The following ESRRG variants were observed in gnomAD, a reference collection of about 807,000 sequenced individuals.
ESRRG encodes estrogen related receptor gamma.
A neutral mutation model predicts 44.0 loss-of-function variants in ESRRG; 13 were observed. The ratio of observed to expected loss-of-function variants is 0.30; its 90% CI spans 0.19 to 0.47. The LOEUF (loss-of-function observed/expected upper bound fraction) is 0.47, where lower values mean the gene tolerates loss of function less well. Ranked by LOEUF, ESRRG falls within the 20% of genes least tolerant of loss-of-function variation. ESRRG has a pLI of 1.00. For synonymous variants in ESRRG, 215 were observed against 214.6 expected (o/e 1.00, Z -0.02); for missense variants, 395 against 580.6 (o/e 0.68, Z 3.29).
intron 1 of ESRRG, among the ~76,000 whole-genome samples, chr1:216,979,978 A>G (rs1578993355): frequency 6.6e-6 from 1 of 152,294 alleles, no homozygotes; most frequent in East Asian, 1.9e-4. Flanking sequence ...CTCCCAAGGA[A>G]GTGTCTAAAG....
intron 1 of ESRRG, among the ~76,000 whole-genome samples, chr1:217,114,607 C>T (rs1217449348): frequency 6.6e-6 from 1 of 150,926 alleles, no homozygotes; most frequent in African/African-American, 2.4e-5. Context: ...ATCTGCAGAA[C>T]ATTTTTACTG....
chr1:216,637,307 C>T (rs1299085101), intron 3 of ESRRG, among the ~76,000 whole-genome samples: 1 of 152,328 alleles, frequency 6.6e-6, no homozygotes, highest in Non-Finnish European at 1.5e-5. Flanking sequence ...TCAGCAATCA[C>T]ATTCTAGTCC....
chr1:216,559,582 C>T (rs1485206293), intron 5 of ESRRG, among the ~76,000 whole-genome samples: 1 of 152,152 alleles, frequency 6.6e-6, no homozygotes, highest in African/African-American at 2.4e-5. Flanking sequence ...GTACATCAAA[C>T]CTTAATCACA....
At position 216,813,979 on chromosome 1, in the gene ESRRG, T is replaced by C. The variant is rs116413007; in HGVS notation, c.-14+125603A>G. Among the ~76,000 whole-genome samples, 497 of 152,342 alleles carry C rather than the reference T, an allele frequency of 3.3e-3. 5 individuals carry two copies. The highest frequency in any genetic ancestry group is 0.012 in the African/African-American group (486 of 41,574). On this transcript the variant is annotated intron_variant, in intron 2 of 7. Transcript: ENST00000359162. ...TAAAGAGATTAAGCATGCTAATTTG[T>C]CATTTATTTTCCAATGCCTGCTTTC... is the stretch of plus-strand genomic sequence containing the variant.
intron 1 of ESRRG, among the ~76,000 whole-genome samples, chr1:217,038,565 G>A (rs1193825518): frequency 6.6e-6 from 1 of 152,214 alleles, no homozygotes; most frequent in Non-Finnish European, 1.5e-5. Flanking sequence ...GCTGTACCTT[G>A]GTCCCTTTTA....
Position 216,521,772 on chromosome 1 carries a change from T to G in ESRRG, c.863-2351A>C, listed in dbSNP as rs571255262. On this transcript the variant is annotated intron_variant, in intron 5 of 6. Coordinates refer to ENST00000408911, the MANE Select transcript of ESRRG (RefSeq NM_001438.4). ...TCCACGATTTTATCAGGGCCAGCACTTTTACGGTTGTCAGGGGGGTGCAGG... is the reference window on the plus strand; with the variant it reads ...TCCACGATTTTATCAGGGCCAGCACGTTTACGGTTGTCAGGGGGGTGCAGG... Among the ~76,000 whole-genome samples the G allele has an allele frequency of 3.3e-5, 5 of 152,292 alleles. No homozygotes were observed. In the South Asian group the frequency reaches 1.0e-3, roughly 32 times the overall value.
In ESRRG at chr1:217,007,890, A is replaced by G. The variant is rs533932009; in HGVS notation, c.-105-68217T>C. ...ATGGAATTGAGGTGGAAGCAGGTGC[A>G]GGGGGAGGAAAGAGCATTAAGAGAT... On this transcript the variant is annotated intron_variant, in intron 1 of 7. Transcript: ENST00000359162. Among the ~76,000 whole-genome samples, 268 of 152,314 alleles carry G rather than the reference A, an allele frequency of 1.8e-3. 1 individual carries two copies. The highest frequency in any genetic ancestry group is 3.1e-3 in the Non-Finnish European group (208 of 68,028).
At chr1:216,820,102 C>T (rs1376184024) in intron 2 of ESRRG, among the ~76,000 whole-genome samples, 1 of 152,086 alleles carries the variant, frequency 6.6e-6, no homozygotes, top group African/African-American at 2.4e-5. Context: ...AAAAACATAG[C>T]CTGGTAAGAT....
chr1:216,700,330 T>C (rs2081152800), intron 1 of ESRRG, among the ~76,000 whole-genome samples: 1 of 152,204 alleles, frequency 6.6e-6, no homozygotes, highest in African/African-American at 2.4e-5. Flanking sequence ...AAATATACAG[T>C]AGCAAGATGT....
chr1:216,633,842 T>C (rs1394296878), intron 3 of ESRRG, among the ~76,000 whole-genome samples: 3 of 152,216 alleles, frequency 2.0e-5, no homozygotes, highest in Non-Finnish European at 4.4e-5. Context: ...TATTAAGAGA[T>C]GGATAAAAGG....
chr1:216,865,353 T>C (rs1361001429), intron 2 of ESRRG, among the ~76,000 whole-genome samples: 2 of 152,040 alleles, frequency 1.3e-5, no homozygotes, highest in African/African-American at 2.4e-5. Flanking sequence ...TTGAGACTCA[T>C]ATGTTATTTT....
intron 1 of ESRRG, among the ~76,000 whole-genome samples, chr1:217,074,902 T>C (rs2091082671): frequency 6.6e-6 from 1 of 152,196 alleles, no homozygotes; most frequent in East Asian, 1.9e-4. Flanking sequence ...GTGAATAGTG[T>C]CCTCCTCTGT....
Position 216,753,451 on chromosome 1 carries a change from A to G in ESRRG, c.-13-75960T>C, listed in dbSNP as rs547587386. ...CCATCAAAGGGTATTTTTAAAGTCC[A>G]TATTAATGATTACTGCCACCCTCCT... On this transcript the variant is annotated intron_variant, in intron 2 of 7. Transcript: ENST00000359162. Among the ~76,000 whole-genome samples, 11 of 152,234 alleles carry G rather than the reference A, an allele frequency of 7.2e-5. 1 individual carries two copies. The South Asian group carries it at 2.1e-3, about 29-fold the overall frequency.
chr1:216,555,110 C>T lies in ESRRG; in HGVS notation c.862+9109G>A, dbSNP rs1235481251. 3.9e-5 allele frequency among the ~76,000 whole-genome samples: 6 copies of T among 152,182 alleles called. No individual in the cohort carries two copies. The East Asian group carries it at 7.7e-4, about 20-fold the overall frequency. On this transcript the variant is annotated intron_variant, in intron 5 of 6. Transcript: ENST00000408911. ...CTTTGTTTCTTGAACCTGGTGGTTA[C>T]TTATTCACTGAACCTTGGTCTAACA...
intron 3 of ESRRG, among the ~76,000 whole-genome samples, chr1:216,582,520 C>A (rs1222126445): frequency 2.0e-5 from 3 of 152,160 alleles, no homozygotes; most frequent in African/African-American, 7.2e-5. Flanking sequence ...CAGCTCACTG[C>A]AGCCTCTGCT....
chr1:216,807,049 T>C (rs116086707), intron 2 of ESRRG, among the ~76,000 whole-genome samples: 1,938 of 152,278 alleles, frequency 0.013, 51 homozygotes, highest in African/African-American at 0.044. Context: ...TCTGAATTTC[T>C]TGAGCTTTAA....
intron 3 of ESRRG, among the ~76,000 whole-genome samples, chr1:216,645,233 G>C (rs1366166276): frequency 6.6e-6 from 1 of 151,998 alleles, no homozygotes; most frequent in East Asian, 1.9e-4. Flanking sequence ...AAAAGCATTA[G>C]AAGAATTTTC....
At chr1:216,667,586 T>C (rs930680418) in intron 2 of ESRRG, among the ~76,000 whole-genome samples, 8 of 146,180 alleles carry the variant, frequency 5.5e-5, no homozygotes, top group Non-Finnish European at 1.0e-4. Context: ...CTCAGGAGGC[T>C]GAGGCACAAG....
At chr1:216,862,913 A>T (rs1220126528) in intron 2 of ESRRG, 1 of 152,202 alleles carries the variant, frequency 6.6e-6, no homozygotes, top group Admixed American at 6.6e-5. Flanking sequence ...TTCAGTTATA[A>T]CTCATAGAGC....
Sources: allele counts gnomAD v4.1 joint callset (sites outside exome capture counted in the v4.1 genomes callset), GRCh38; gene constraint gnomAD v4.1.1; transcripts MANE v1.5; gene names NCBI Gene and HGNC (gene_info 2026-07-23, HGNC 2026-07-21).